The following SBF1 variants were observed in gnomAD, a reference collection of about 807,000 sequenced individuals.
SBF1 encodes the protein SET binding factor 1.
Under a neutral mutation model 215.8 loss-of-function variants are expected in SBF1, and 65 were observed. The ratio of observed to expected loss-of-function variants is 0.30; its 90% CI spans 0.25 to 0.37. The LOEUF (loss-of-function observed/expected upper bound fraction) is 0.37, where lower values mean the gene tolerates loss of function less well. Among genes scored for constraint, SBF1 ranks in the 10% least tolerant of loss-of-function variants. The pLI, the probability that SBF1 is intolerant of heterozygous loss-of-function variation, is 1.00. For synonymous variants in SBF1, 1,410 were observed against 1,122.8 expected (o/e 1.26, Z -5.11); for missense variants, 2,634 against 2,667.8 (o/e 0.99, Z 0.28).
chr22:50,455,026 G>A lies in SBF1; in HGVS notation c.4671C>T (p.Arg1557=), dbSNP rs1352913643. The A allele has an allele frequency of 2.5e-6, 4 of 1,614,098 alleles. No individual in the cohort carries two copies. In the South Asian group the frequency reaches 3.3e-5, roughly 13 times the overall value. ...CGACTCCCCACATACCCAGCTCAATGCGCTCATAGTCAGAGTCGAGCAGGA... is the reference window on the plus strand; with the variant it reads ...CGACTCCCCACATACCCAGCTCAATACGCTCATAGTCAGAGTCGAGCAGGA... ...RTFLLDSDYE[R]IELGLLYEEK... The change falls in exon 34 of 41, where the codon CGC becomes CGT. Residue 1557 remains arginine (R), a synonymous_variant. Coordinates refer to ENST00000380817, the MANE Select transcript of SBF1 (RefSeq NM_002972.4).
chr22:50,472,502 T>C (rs1046754122), intron 1 of SBF1, among the ~76,000 whole-genome samples: 10 of 152,188 alleles, frequency 6.6e-5, no homozygotes, highest in African/African-American at 2.4e-4. Context: ...TTCACACACC[T>C]GCTGCTCAGT....
Position 50,467,788 on chromosome 22 carries a change from G to C in SBF1, c.277C>G (p.Gln93Glu). 6.2e-7 allele frequency: 1 copy of C among 1,613,912 alleles called. No homozygotes were observed. ...LTFWEPAEPS[Q>E]ETTRVEDATE... ...GTACCCAGAGGCCCCAAGCTGACCT[G>C]TGAAGGCTCCGCTGGCTCCCAGAAG... is the stretch of plus-strand genomic sequence containing the variant. The change falls in exon 3 of 41, where the codon CAG becomes GAG. Residue 93 changes from glutamine (Q) to glutamate (E), a missense_variant and splice_region_variant. Physicochemically the swap from Gln to Glu is conservative, Grantham distance 29. Coordinates refer to ENST00000380817, the MANE Select transcript of SBF1 (RefSeq NM_002972.4).
At chr22:50,453,765 C>T (rs1411831823) in intron 36 of SBF1, among the ~76,000 whole-genome samples, 2 of 151,742 alleles carry the variant, frequency 1.3e-5, no homozygotes, top group Non-Finnish European at 2.9e-5. Flanking sequence ...CCAGCCTGGG[C>T]GACAGAGCGA....
chr22:50,462,755 C>T, intron 17 of SBF1, 38 bp from the exon 18 acceptor site: 1 of 1,609,398 alleles, frequency 6.2e-7, no homozygotes, highest in Non-Finnish European at 8.5e-7. Flanking sequence ...TGGATGCAGC[C>T]AGGAAGGGCG....
At chr22:50,469,021 T>C (rs2148608828) in intron 1 of SBF1, among the ~76,000 whole-genome samples, 1 of 152,124 alleles carries the variant, frequency 6.6e-6, no homozygotes, top group African/African-American at 2.4e-5. Context: ...GACAGACAAG[T>C]CCCCAGTACA....
At chr22:50,448,476 G>A in intron 37 of SBF1, 32 bp from the exon 38 acceptor site, 1 of 1,610,174 alleles carries the variant, frequency 6.2e-7, no homozygotes, top group Non-Finnish European at 8.5e-7. Flanking sequence ...TTGGGTCAGG[G>A]CTGGACAGAC....
At chr22:50,448,758 C>G (rs537310234) in intron 36 of SBF1, 108 bp from the exon 37 acceptor site, 12 of 798,048 alleles carry the variant, frequency 1.5e-5, no homozygotes, top group Non-Finnish European at 2.4e-5. Context: ...AGGCCTAACG[C>G]GTGTGTGACT....
At position 50,455,565 on chromosome 22, in the gene SBF1, C is replaced by G. The variant is rs1405296555; in HGVS notation, c.4284G>C (p.Gln1428His). Residue 1428 changes from glutamine (Q) to histidine (H), a missense_variant, in exon 32 of 41, where the codon CAG becomes CAC. Transcript: ENST00000380817. ...GGAGCTCCACCACCAGCACAGACAC[C>G]TGCAGCAGCTTGTGGATCTGCAGGG... ...EWLIQIHKLL[Q>H]VSVLVVELLD... The G allele has an allele frequency of 6.3e-7, 1 of 1,584,158 alleles. No individual in the cohort carries two copies. Among genetic ancestry groups the G allele is most frequent in the East Asian group, 2.3e-5 (1 of 43,104 alleles).
At position 50,460,407 on chromosome 22, in the gene SBF1, T is replaced by C; in HGVS notation, c.3148A>G (p.Thr1050Ala). 6.2e-7 allele frequency: 1 copy of C among 1,610,022 alleles called. No individual in the cohort carries two copies. The highest frequency in any genetic ancestry group is 8.5e-7 in the Non-Finnish European group (1 of 1,177,600). The change falls in exon 25 of 41, where the codon ACC (threonine) becomes GCC (alanine). Residue 1050 changes from threonine to alanine, a missense_variant and splice_region_variant. Coordinates refer to ENST00000380817, the MANE Select transcript of SBF1 (RefSeq NM_002972.4). ...VTKDKGPSLR[T>A]LSRNLVKNAK... Reference sequence around the variant, plus strand: ...TTCTTGACCAGGTTCCGGGACAGGGTTCTGAGGCCCACGAGAGTCAGCAAA... The same window carrying C: ...TTCTTGACCAGGTTCCGGGACAGGGCTCTGAGGCCCACGAGAGTCAGCAAA...
intron 31 of SBF1, 38 bp from the exon 32 acceptor site, chr22:50,455,620 C>A: frequency 1.3e-6 from 2 of 1,516,926 alleles, no homozygotes; most frequent in Non-Finnish European, 1.8e-6. Context: ...CGGGGACCCA[C>A]CGCCCTCCCG....
chr22:50,473,657 AG>A, intron 1 of SBF1, among the ~76,000 whole-genome samples: 1 of 152,270 alleles, frequency 6.6e-6, no homozygotes, highest in East Asian at 1.9e-4. Context: ...CACAAAAAAG[AG>A]AGAACTCCAG....
intron 1 of SBF1, among the ~76,000 whole-genome samples, chr22:50,472,929 T>C (rs2068045206): frequency 6.6e-6 from 1 of 152,192 alleles, no homozygotes; most frequent in South Asian, 2.1e-4. Flanking sequence ...CCTCCAACCC[T>C]ACTGCAGTGG....
In SBF1 at chr22:50,456,610, C is replaced by A; in HGVS notation, c.3968G>T (p.Arg1323Leu). 1 of 1,525,368 alleles carries A rather than the reference C, an allele frequency of 6.6e-7. No homozygotes were observed. The highest frequency in any genetic ancestry group is 8.8e-7 in the Non-Finnish European group (1 of 1,138,768). The allele number at this position is 1,525,368 out of a possible 1,614,324, so 94.5% of individuals were successfully genotyped here. A position where few individuals can be genotyped will look rare whatever the true frequency, so the allele number is the denominator to read the frequency against. ...SSGLGTDVGS[R>L]LAGRDALAPP... ...GGCCAGCGCGTCTCTGCCAGCTAGC[C>A]GGGAGCCCACATCGGTGCCAAGGCC... Residue 1323 changes from arginine to leucine, a missense_variant, in exon 30 of 41, where the codon CGG becomes CTG. By Grantham distance (102) the Arg-to-Leu change is moderately radical (BLOSUM62 -2). Coordinates refer to ENST00000380817, the MANE Select transcript of SBF1 (RefSeq NM_002972.4).
chr22:50,465,864 C>G, intron 9 of SBF1, 24 bp from the exon 10 acceptor site: 2 of 1,612,832 alleles, frequency 1.2e-6, no homozygotes, highest in Non-Finnish European at 1.7e-6. Flanking sequence ...ATGGAGCAGG[C>G]AGCTGCACGC....
rs1025084300 is a variant in SBF1 at position 50,445,291 on chromosome 22, A to C, written c.*1851T>G. 1 of 152,530 alleles carries C rather than the reference A, an allele frequency of 6.6e-6. No homozygotes were observed. The highest frequency in any genetic ancestry group is 1.5e-5 in the Non-Finnish European group (1 of 68,426). 9.4% of individuals were successfully genotyped at this position (152,530 alleles called of 1,614,324 possible). ...TTTTTCCGTTTGGGGGATGGGGGGAACCACTTCGCCTAACGCTCAAACACA... is the reference window on the plus strand; with the variant it reads ...TTTTTCCGTTTGGGGGATGGGGGGACCCACTTCGCCTAACGCTCAAACACA... On this transcript the variant is annotated 3_prime_UTR_variant, in exon 41 of 41. Transcript: ENST00000380817.
chr22:50,465,801 G>T lies in SBF1; in HGVS notation c.1051C>A (p.Pro351Thr). ...PELELADLAF[P>T]PPTTSTSSLK... ...GAGGAGGTGGATGTCGTGGGCGGAGGGAAGGCGAGGTCAGCCAACTCCAGC... is the reference window on the plus strand; with the variant it reads ...GAGGAGGTGGATGTCGTGGGCGGAGTGAAGGCGAGGTCAGCCAACTCCAGC... The change falls in exon 10 of 41, where the codon CCT becomes ACT. Residue 351 changes from proline (P) to threonine (T), a missense_variant. Transcript: ENST00000380817. 6.2e-7 allele frequency: 1 copy of T among 1,611,616 alleles called. No homozygotes were observed. Among genetic ancestry groups the T allele is most frequent in the East Asian group, 2.2e-5 (1 of 44,848 alleles).
chr22:50,455,420 C>G lies in SBF1; in HGVS notation c.4369-11G>C, dbSNP rs199878169. On this transcript the variant is annotated splice_polypyrimidine_tract_variant and intron_variant, in intron 32 of 40. Coordinates refer to ENST00000380817, the MANE Select transcript of SBF1 (RefSeq NM_002972.4). ...CACCAAGGATACCACCTGCCAGCACCGCCAGGAGGTCAGCGAGGAGCCCGG... is the reference window on the plus strand; with the variant it reads ...CACCAAGGATACCACCTGCCAGCACGGCCAGGAGGTCAGCGAGGAGCCCGG... 782 of 1,611,792 alleles carry G rather than the reference C, an allele frequency of 4.9e-4. No homozygotes were observed. Among genetic ancestry groups the G allele is most frequent in the Non-Finnish European group, 5.9e-4 (697 of 1,178,930 alleles).
At chr22:50,459,803 AC>A in intron 26 of SBF1, 137 bp from the exon 27 acceptor site, 12 of 1,296,630 alleles carry the variant, frequency 9.3e-6, no homozygotes, top group African/African-American at 1.5e-5. Context: ...CCCCCCAGCC[AC>A]CCCCCAGCCC....
chr22:50,458,320 A>C (rs4824120), intron 28 of SBF1, among the ~76,000 whole-genome samples: 71 of 147,394 alleles, frequency 4.8e-4, no homozygotes, highest in Admixed American at 1.4e-3. Context: ...AAAAAAAAAA[A>C]AAAGGTCAGG....
Sources: gnomAD v4.1 joint callset for allele counts (sites outside exome capture counted in the v4.1 genomes callset) on GRCh38, gnomAD v4.1.1 for gene constraint, MANE v1.5 for transcripts, NCBI Gene and HGNC (gene_info 2026-07-23, HGNC 2026-07-21) for gene names.